PTBP2: variants seen among roughly 807,000 people sequenced by gnomAD.
The protein encoded by PTBP2 is polypyrimidine tract-binding protein 2.
A neutral mutation model predicts 61.4 loss-of-function variants in PTBP2; 13 were observed. That is an observed-to-expected ratio of 0.21 (90% CI 0.14 to 0.34). The LOEUF (loss-of-function observed/expected upper bound fraction) is 0.34, where lower values mean the gene tolerates loss of function less well. PTBP2 is among the 10% of genes least tolerant of loss of function. PTBP2 has a pLI of 1.00. For synonymous variants in PTBP2, 215 were observed against 218.5 expected (o/e 0.98, Z 0.14); for missense variants, 405 against 642.6 (o/e 0.63, Z 4.00).
chr1:96,725,404 A>G (rs529691016), intron 2 of PTBP2, among the ~76,000 whole-genome samples: 11 of 148,384 alleles, frequency 7.4e-5, no homozygotes, highest in African/African-American at 2.5e-4. Context: ...GGTTCACTCC[A>G]TTCTTCTGCC....
chr1:96,777,962 G>C lies in PTBP2; in HGVS notation c.708+16G>C, dbSNP rs1411767173. ...AGCAAAACTAGTAAGTCTTTCTTTTGAGATGGTGATTTTTTTTTATTGAAA... is the reference window on the plus strand; with the variant it reads ...AGCAAAACTAGTAAGTCTTTCTTTTCAGATGGTGATTTTTTTTTATTGAAA... On this transcript the variant is annotated intron_variant, in intron 7 of 13. Transcript: ENST00000674951. The C allele has an allele frequency of 7.0e-7, 1 of 1,425,576 alleles. No homozygotes were observed. The highest frequency in any genetic ancestry group is 2.1e-5 in the Admixed American group (1 of 47,748). The allele number at this position is 1,425,576 out of a possible 1,614,324, so 88.3% of individuals were successfully genotyped here.
chr1:96,761,345 GATGT>G (rs1326472879), intron 3 of PTBP2, among the ~76,000 whole-genome samples: 6 of 80,926 alleles, frequency 7.4e-5, no homozygotes, highest in Admixed American at 2.6e-4. Flanking sequence ...TGTGGGATTT[GATGT>G]GTGTGTGTGT....
intron 3 of PTBP2, among the ~76,000 whole-genome samples, chr1:96,761,423 G>T (rs1469468901): frequency 6.6e-6 from 1 of 150,522 alleles, no homozygotes; most frequent in Admixed American, 6.6e-5. Flanking sequence ...ATTTTAGAAA[G>T]AATTTTTGTT....
chr1:96,730,808 C>T lies in PTBP2; in HGVS notation c.39+7214C>T, dbSNP rs376994120. Among the ~76,000 whole-genome samples the T allele has an allele frequency of 1.9e-4, 29 of 152,296 alleles. No homozygotes were observed. In the South Asian group the frequency reaches 5.6e-3, roughly 29 times the overall value. ...GCTTTCCTCATAGCTATGCTATGGC[C>T]TGGACACTCAAGGGAGTATAAGCTG... On this transcript the variant is annotated intron_variant, in intron 2 of 13. Transcript: ENST00000674951.
At chr1:96,752,660 C>T (rs967281198) in intron 3 of PTBP2, among the ~76,000 whole-genome samples, 5 of 151,994 alleles carry the variant, frequency 3.3e-5, no homozygotes, top group African/African-American at 7.2e-5. Flanking sequence ...TTGTCGGTTT[C>T]TCTTTTTGTT....
chr1:96,763,434 C>G (rs1032958379), intron 3 of PTBP2, among the ~76,000 whole-genome samples: 1 of 151,940 alleles, frequency 6.6e-6, no homozygotes, highest in Non-Finnish European at 1.5e-5. Context: ...GAAAACCAGT[C>G]AGGCGTGGCG....
At chr1:96,777,454 C>G (rs1658164841) in intron 5 of PTBP2, 131 bp from the exon 6 acceptor site, 3 of 618,960 alleles carry the variant, frequency 4.8e-6, no homozygotes, top group Non-Finnish European at 7.6e-6. Flanking sequence ...TTAAAAATAT[C>G]TGTTGAGGGG....
chr1:96,740,900 A>G (rs116358873), intron 2 of PTBP2, among the ~76,000 whole-genome samples: 2,818 of 151,980 alleles, frequency 0.019, 88 homozygotes, highest in African/African-American at 0.064. Flanking sequence ...ATTTTTTTCC[A>G]TTACAAACTG....
chr1:96,763,924 T>G (rs1209395598), intron 3 of PTBP2, among the ~76,000 whole-genome samples: 1 of 152,228 alleles, frequency 6.6e-6, no homozygotes, highest in Non-Finnish European at 1.5e-5. Context: ...GGTGATTATA[T>G]TTGCCTGGAA....
In PTBP2 at chr1:96,732,580, C is replaced by G. The variant is rs1313317887; in HGVS notation, c.39+8986C>G. Among the ~76,000 whole-genome samples, 8 of 152,044 alleles carry G rather than the reference C, an allele frequency of 5.3e-5. No individual in the cohort carries two copies. In the South Asian group the frequency reaches 1.5e-3, roughly 28 times the overall value. On this transcript the variant is annotated intron_variant, in intron 2 of 13. Transcript: ENST00000674951. ...GCTCATACTCTAATGAGCCATTTAT[C>G]AATAAAAAGATAAATAACAAGACTA...
Position 96,806,919 on chromosome 1 carries a change from G to A in PTBP2, c.1132G>A (p.Ala378Thr). 1.2e-6 allele frequency: 2 copies of A among 1,611,390 alleles called. No homozygotes were observed. Among genetic ancestry groups the A allele is most frequent in the Non-Finnish European group, 1.7e-6 (2 of 1,179,148 alleles). ...GATTTTATACAATAAGAAAGACAGC[G>A]CTCTAATACAGATGGCTGATGGAAA... ...VKILYNKKDS[A>T]LIQMADGNQS... Residue 378 changes from alanine (A) to threonine (T), a missense_variant, in exon 11 of 14, where the codon GCT (alanine) becomes ACT (threonine). Physicochemically the swap from Ala to Thr is moderately conservative, Grantham distance 58. Around this residue, in one of 4 missense-constraint regions of PTBP2, gnomAD observed 342 missense variants for 491.2 expected, o/e 0.70. Coordinates refer to ENST00000674951, the MANE Select transcript of PTBP2 (RefSeq NM_021190.4).
intron 2 of PTBP2, among the ~76,000 whole-genome samples, chr1:96,735,185 T>C (rs1652002782): frequency 6.6e-6 from 1 of 152,164 alleles, no homozygotes; most frequent in Non-Finnish European, 1.5e-5. Flanking sequence ...CCCAAAGTGC[T>C]GGGATTATAG....
intron 1 of PTBP2, 149 bp from the exon 2 acceptor site, chr1:96,723,415 C>G: frequency 1.8e-6 from 1 of 552,350 alleles, no homozygotes; most frequent in Non-Finnish European, 3.1e-6. Context: ...AGGTAAGTCA[C>G]GGATCATCTG....
chr1:96,734,017 C>G (rs17525524), intron 2 of PTBP2, among the ~76,000 whole-genome samples: 12,107 of 152,072 alleles, frequency 0.08, 611 homozygotes, highest in East Asian at 0.17. Context: ...TAATTTAGTT[C>G]TAGGCATACT....
chr1:96,743,813 A>G (rs1653375905), intron 2 of PTBP2, among the ~76,000 whole-genome samples: 2 of 151,882 alleles, frequency 1.3e-5, no homozygotes. Context: ...TTAAATTTCT[A>G]AGCTGTTTTA....
intron 3 of PTBP2, among the ~76,000 whole-genome samples, chr1:96,762,501 CCG>C (rs1160062737): frequency 3.1e-5 from 3 of 96,712 alleles, no homozygotes; most frequent in East Asian, 8.1e-4. Context: ...GGGCTGACCC[CCG>C]CCACCTCCCT....
At chr1:96,810,324 G>C (rs1661946826) in intron 11 of PTBP2, among the ~76,000 whole-genome samples, 1 of 152,122 alleles carries the variant, frequency 6.6e-6, no homozygotes, top group Non-Finnish European at 1.5e-5. Context: ...TTTAAAATTA[G>C]TAATTCAGGT....
At chr1:96,805,202 A>G (rs1433594141) in intron 9 of PTBP2, among the ~76,000 whole-genome samples, 1 of 152,116 alleles carries the variant, frequency 6.6e-6, no homozygotes, top group Non-Finnish European at 1.5e-5. Flanking sequence ...AAATATGGTG[A>G]AGTACTGTAG....
chr1:96,772,791 A>G (rs1344327007), intron 5 of PTBP2, among the ~76,000 whole-genome samples: 1 of 152,044 alleles, frequency 6.6e-6, no homozygotes, highest in Non-Finnish European at 1.5e-5. Flanking sequence ...TCTCATTTTA[A>G]AAGATTAAAC....
Sources: allele counts gnomAD v4.1 joint callset (sites outside exome capture counted in the v4.1 genomes callset), GRCh38; gene constraint gnomAD v4.1.1; regional missense constraint gnomAD v4.1.1; transcripts MANE v1.5; gene names NCBI Gene and HGNC (gene_info 2026-07-23, HGNC 2026-07-21).